OPCML: variants seen among roughly 807,000 people sequenced by gnomAD.
The protein encoded by OPCML is opioid binding protein/cell adhesion molecule like, also known as opioid-binding protein/cell adhesion molecule.
OPCML carries 13 observed loss-of-function variants against 37.8 expected under a neutral mutation model. The observed-to-expected ratio is 0.34, with a 90% CI of 0.22 to 0.55. OPCML has a LOEUF of 0.55. OPCML is among the 20% of genes least tolerant of loss of function. OPCML has a pLI of 0.91. For missense variants in OPCML, 341 were observed against 435.6 expected, an observed-to-expected ratio of 0.78 and a Z score of 1.93; for synonymous variants, 176 against 168.8, an observed-to-expected ratio of 1.04 and a Z score of -0.33.
At chr11:133,410,527 ATG>A in intron 1 of OPCML, among the ~76,000 whole-genome samples, 1 of 149,934 alleles carries the variant, frequency 6.7e-6, no homozygotes, top group Admixed American at 6.7e-5. Context: ...ATAGCATGCT[ATG>A]GTTTCCTTTT....
At chr11:133,395,795 T>A (rs1945272276) in intron 1 of OPCML, among the ~76,000 whole-genome samples, 1 of 152,226 alleles carries the variant, frequency 6.6e-6, no homozygotes, top group Non-Finnish European at 1.5e-5. Context: ...AGCTCTGTAG[T>A]ACAATTTGAA....
chr11:132,623,193 G>T (rs187176531), intron 3 of OPCML, among the ~76,000 whole-genome samples: 1 of 152,088 alleles, frequency 6.6e-6, no homozygotes, highest in Admixed American at 6.6e-5. Context: ...GTTTCTGAGC[G>T]GTAAAACCCC....
chr11:132,966,781 A>T (rs1946224738), intron 1 of OPCML, among the ~76,000 whole-genome samples: 1 of 151,998 alleles, frequency 6.6e-6, no homozygotes, highest in African/African-American at 2.4e-5. Context: ...TGATGGATTG[A>T]CCCTTTTATC....
chr11:132,621,440 T>C lies in OPCML; in HGVS notation c.379+35647A>G, dbSNP rs76383123. 3.7e-3 allele frequency among the ~76,000 whole-genome samples: 560 copies of C among 152,282 alleles called. 2 individuals are homozygous for C. Among genetic ancestry groups the C allele is most frequent in the Non-Finnish European group, 5.5e-3 (373 of 68,036 alleles). On this transcript the variant is annotated intron_variant, in intron 3 of 7. Coordinates refer to ENST00000524381, the MANE Select transcript of OPCML (RefSeq NM_001012393.5). The stretch of plus-strand genomic sequence containing the variant: ...GAGAATGAACAAATAGATTATGGAA[T>C]CTGTAAATGGAAAGCTACTCAGCAA...
chr11:133,186,992 G>A (rs894812493), intron 1 of OPCML, among the ~76,000 whole-genome samples: 1 of 152,162 alleles, frequency 6.6e-6, no homozygotes, highest in Non-Finnish European at 1.5e-5. Context: ...GTGGTGGTGT[G>A]TGTAGAGGAC....
At chr11:132,530,270 G>A (rs2096320791) in intron 3 of OPCML, among the ~76,000 whole-genome samples, 1 of 151,910 alleles carries the variant, frequency 6.6e-6, no homozygotes, top group South Asian at 2.1e-4. Context: ...ATGACACTTG[G>A]TCTTACTCTC....
In OPCML at chr11:133,041,759, T is replaced by C. The variant is rs545202939; in HGVS notation, c.62-98749A>G. 4.6e-5 allele frequency among the ~76,000 whole-genome samples: 7 copies of C among 152,298 alleles called. No individual in the cohort carries two copies. The South Asian group carries it at 1.4e-3, about 32-fold the overall frequency. On this transcript the variant is annotated intron_variant, in intron 1 of 7. Coordinates refer to ENST00000524381, the MANE Select transcript of OPCML (RefSeq NM_001012393.5). ...TAAGAAATGGAAAAGGATGGGAGAA[T>C]GTACTTAAAAAGACAAAACCTCCCT...
intron 3 of OPCML, among the ~76,000 whole-genome samples, chr11:132,598,936 C>G (rs1484890823): frequency 6.6e-6 from 1 of 152,148 alleles, no homozygotes; most frequent in Non-Finnish European, 1.5e-5. Flanking sequence ...GAGGAAGAGG[C>G]TTTACTAGTT....
chr11:132,927,391 T>G (rs74766044), intron 2 of OPCML, among the ~76,000 whole-genome samples: 3,324 of 152,232 alleles, frequency 0.022, 110 homozygotes, highest in African/African-American at 0.077. Flanking sequence ...GCGGTGGATT[T>G]TATACTTAAT....
chr11:133,498,181 T>G (rs1158435579), intron 1 of OPCML, among the ~76,000 whole-genome samples: 5 of 152,184 alleles, frequency 3.3e-5, no homozygotes, highest in African/African-American at 7.2e-5. Context: ...ACAGGAGCTC[T>G]GAAGGGGTCC....
At chr11:132,551,806 C>G (rs1031769894) in intron 3 of OPCML, among the ~76,000 whole-genome samples, 1 of 152,096 alleles carries the variant, frequency 6.6e-6, no homozygotes. Flanking sequence ...CTGAGGAGAC[C>G]GATTTGAGTA....
At chr11:133,106,605 T>C (rs755442130) in intron 1 of OPCML, among the ~76,000 whole-genome samples, 30 of 152,196 alleles carry the variant, frequency 2.0e-4, no homozygotes, top group African/African-American at 2.4e-4. Context: ...AATGGGATGA[T>C]GGTAAAGCCA....
intron 2 of OPCML, among the ~76,000 whole-genome samples, chr11:132,715,842 T>G (rs916707656): frequency 4.6e-5 from 7 of 152,194 alleles, no homozygotes; most frequent in African/African-American, 1.7e-4. Flanking sequence ...TCTAGTCTAC[T>G]GGGATAATGA....
chr11:133,141,099 A>C (rs1180624171), intron 1 of OPCML, among the ~76,000 whole-genome samples: 2 of 142,828 alleles, frequency 1.4e-5, no homozygotes, highest in African/African-American at 5.1e-5. Flanking sequence ...AAGAAGGAGA[A>C]GAAGAAGCAG....
At chr11:133,383,043 T>C (rs574254483) in intron 1 of OPCML, among the ~76,000 whole-genome samples, 2 of 152,164 alleles carry the variant, frequency 1.3e-5, no homozygotes, top group South Asian at 2.1e-4. Context: ...CCACCTTTTT[T>C]TCCCCAAGGT....
intron 1 of OPCML, among the ~76,000 whole-genome samples, chr11:133,448,855 C>T (rs1382063637): frequency 6.6e-6 from 1 of 152,178 alleles, no homozygotes; most frequent in Non-Finnish European, 1.5e-5. Context: ...TTTGTATACA[C>T]AATTCACAAG....
At chr11:133,108,531 G>T (rs992699686) in intron 1 of OPCML, among the ~76,000 whole-genome samples, 1 of 152,004 alleles carries the variant, frequency 6.6e-6, no homozygotes, top group Non-Finnish European at 1.5e-5. Context: ...GCTTTCCAGC[G>T]GGGTAAATGG....
chr11:132,975,578 A>C (rs1946445619), intron 1 of OPCML, among the ~76,000 whole-genome samples: 1 of 119,304 alleles, frequency 8.4e-6, no homozygotes, highest in Non-Finnish European at 1.7e-5. Context: ...AAAAAAAAAA[A>C]AAAAACAAGC....
chr11:133,527,383 C>T (rs1008091583), intron 1 of OPCML, among the ~76,000 whole-genome samples: 1 of 152,128 alleles, frequency 6.6e-6, no homozygotes, highest in Non-Finnish European at 1.5e-5. Context: ...TTAACAATTT[C>T]CTGTTTTACT....
Sources: allele counts gnomAD v4.1 joint callset (sites outside exome capture counted in the v4.1 genomes callset), GRCh38; gene constraint gnomAD v4.1.1; transcripts MANE v1.5; gene names NCBI Gene and HGNC (gene_info 2026-07-23, HGNC 2026-07-21).